Variants in SLC13A3 observed in about 807,000 individuals in gnomAD.
SLC13A3 encodes solute carrier family 13 member 3, also known as Na(+)/dicarboxylate cotransporter 3.
Under a neutral mutation model 59.0 loss-of-function variants are expected in SLC13A3, and 40 were observed. That is an observed-to-expected ratio of 0.68 (90% CI 0.53 to 0.88). The LOEUF is 0.88. Ranked by LOEUF, SLC13A3 falls within the 40% of genes least tolerant of loss-of-function variation. The pLI is 0.00. For synonymous variants in SLC13A3, 317 were observed against 330.3 expected, an observed-to-expected ratio of 0.96 and a Z score of 0.44; for missense variants, 699 against 783.2, an observed-to-expected ratio of 0.89 and a Z score of 1.28.
intron 4 of SLC13A3, 97 bp downstream of exon 4, chr20:46,599,874 C>G (rs1202027352): frequency 2.1e-6 from 2 of 931,332 alleles, no homozygotes; most frequent in Non-Finnish European, 3.2e-6. Flanking sequence ...GAGAAAAATT[C>G]AGGGATGGGA....
At chr20:46,626,658 G>T (rs1199921980) in intron 1 of SLC13A3, among the ~76,000 whole-genome samples, 1 of 152,280 alleles carries the variant, frequency 6.6e-6, no homozygotes, top group East Asian at 1.9e-4. Flanking sequence ...ATCTGGTGGA[G>T]AATTAGTAAG....
intron 10 of SLC13A3, among the ~76,000 whole-genome samples, chr20:46,574,129 G>A (rs1021008604): frequency 5.9e-5 from 9 of 152,096 alleles, no homozygotes; most frequent in African/African-American, 2.2e-4. Flanking sequence ...GACAGTGATA[G>A]TAGCTGATTC....
intron 1 of SLC13A3, among the ~76,000 whole-genome samples, chr20:46,618,902 A>G (rs551265788): frequency 6.6e-6 from 1 of 152,338 alleles, no homozygotes; most frequent in African/African-American, 2.4e-5. Flanking sequence ...ACACTCCAGG[A>G]GTAGCTCCTA....
intron 3 of SLC13A3, among the ~76,000 whole-genome samples, chr20:46,605,522 T>G (rs2062429784): frequency 6.6e-6 from 1 of 152,184 alleles, no homozygotes; most frequent in South Asian, 2.1e-4. Context: ...GATGGAGAAC[T>G]TTCACATTTA....
At chr20:46,669,651 G>A (rs1331739648) in intron 1 of SLC13A3, among the ~76,000 whole-genome samples, 1 of 152,152 alleles carries the variant, frequency 6.6e-6, no homozygotes, top group Admixed American at 6.5e-5. Context: ...TGGCACCCAA[G>A]GCAAATTAGA....
At chr20:46,614,719 T>C (rs1469125136) in intron 1 of SLC13A3, among the ~76,000 whole-genome samples, 2 of 152,166 alleles carry the variant, frequency 1.3e-5, no homozygotes, top group African/African-American at 4.8e-5. Flanking sequence ...GAAACTGAGG[T>C]GCAAGGAGGT....
intron 1 of SLC13A3, among the ~76,000 whole-genome samples, chr20:46,617,603 T>C (rs944536441): frequency 9.1e-5 from 5 of 54,758 alleles, no homozygotes; most frequent in East Asian, 5.7e-4. Flanking sequence ...TGTGTGTGTG[T>C]GTGTGCGTGT....
intron 1 of SLC13A3, among the ~76,000 whole-genome samples, chr20:46,678,690 A>G (rs2063139342): frequency 6.6e-6 from 1 of 151,836 alleles, no homozygotes; most frequent in Non-Finnish European, 1.5e-5. Context: ...TCTTCCACAG[A>G]AGCAATCTTC....
chr20:46,585,472 A>T, intron 8 of SLC13A3: 1 of 994,680 alleles, frequency 1.0e-6, no homozygotes, highest in South Asian at 4.4e-5. Flanking sequence ...TGTTAAAAAA[A>T]TCTTCTTTTA....
rs1408173423 is a variant in SLC13A3, at chr20:46,563,643, AGAGG to A, written c.1495-96_1495-93del. On this transcript the variant is annotated intron_variant, in intron 11 of 12. Coordinates refer to ENST00000279027, the MANE Select transcript of SLC13A3 (RefSeq NM_022829.6). ...GAGAGAGAGAGAGAGGCAGTTGGAAAGAGGGACACAAAGACGTAGAGACAGAGAG... is the reference window on the plus strand; with the variant it reads ...GAGAGAGAGAGAGAGGCAGTTGGAAAGACACAAAGACGTAGAGACAGAGAG... 40 of 1,228,312 alleles carry A rather than the reference AGAGG, an allele frequency of 3.3e-5. No individual in the cohort carries two copies. The Admixed American group carries it at 9.4e-4, about 29-fold the overall frequency. The allele number at this position is 1,228,312 out of a possible 1,614,324, so 76.1% of individuals were successfully genotyped here. A position where few individuals can be genotyped will look rare whatever the true frequency, so the allele number is the denominator to read the frequency against.
chr20:46,562,093 T>G (rs1296198855), intron 12 of SLC13A3, among the ~76,000 whole-genome samples: 1 of 152,154 alleles, frequency 6.6e-6, no homozygotes, highest in East Asian at 1.9e-4. Context: ...CTCAGTCTTT[T>G]TCTCTAAGTA....
intron 3 of SLC13A3, among the ~76,000 whole-genome samples, chr20:46,605,362 GC>G (rs2062427756): frequency 6.7e-6 from 1 of 150,150 alleles, no homozygotes; most frequent in South Asian, 2.1e-4. Flanking sequence ...GACCTCAGTG[GC>G]CCAAGAGACC....
chr20:46,640,905 C>T (rs2062840977), intron 1 of SLC13A3, among the ~76,000 whole-genome samples: 1 of 152,198 alleles, frequency 6.6e-6, no homozygotes, highest in Admixed American at 6.5e-5. Context: ...CCTGCTGCAT[C>T]ACTGGAAGTC....
intron 1 of SLC13A3, among the ~76,000 whole-genome samples, chr20:46,657,458 T>C (rs996820636): frequency 6.6e-6 from 1 of 152,186 alleles, no homozygotes; most frequent in Admixed American, 6.5e-5. Context: ...TTTTGGGTAC[T>C]GTATTACGAG....
chr20:46,612,117 CTCTT>C (rs751315294), intron 2 of SLC13A3, among the ~76,000 whole-genome samples: 3 of 122,510 alleles, frequency 2.4e-5, no homozygotes, highest in Admixed American at 8.0e-5. Context: ...CTTTCTCTCT[CTCTT>C]TGCTTTTTTT....
upstream of SLC13A3, chr20:46,670,146 T>C (rs1369525456): frequency 6.6e-6 from 1 of 152,220 alleles, no homozygotes; most frequent in Non-Finnish European, 1.5e-5. Flanking sequence ...TTCCCTGGAA[T>C]ACATGAGCAG....
intron 9 of SLC13A3, among the ~76,000 whole-genome samples, chr20:46,581,419 C>G (rs188849119): frequency 2.0e-5 from 3 of 152,294 alleles, no homozygotes; most frequent in Admixed American, 2.0e-4. Context: ...CTCTCAGATG[C>G]AGCAATGGGA....
intron 1 of SLC13A3, among the ~76,000 whole-genome samples, chr20:46,679,299 A>C (rs1372334101): frequency 6.6e-6 from 1 of 152,168 alleles, no homozygotes; most frequent in Non-Finnish European, 1.5e-5. Flanking sequence ...GCTCATGCCT[A>C]TAATCCCAGC....
chr20:46,665,607 C>T (rs1401539095), intron 1 of SLC13A3, among the ~76,000 whole-genome samples: 1 of 152,172 alleles, frequency 6.6e-6, no homozygotes, highest in Non-Finnish European at 1.5e-5. Flanking sequence ...AATAATATTT[C>T]ATTGTATGGG....
Sources: gnomAD v4.1 joint callset for allele counts (sites outside exome capture counted in the v4.1 genomes callset) on GRCh38, gnomAD v4.1.1 for gene constraint, MANE v1.5 for transcripts, NCBI Gene and HGNC (gene_info 2026-07-23, HGNC 2026-07-21) for gene names.